The following PRKN variants were observed in gnomAD, a reference collection of about 807,000 sequenced individuals.
PRKN encodes the protein parkin RBR E3 ubiquitin protein ligase.
A neutral mutation model predicts 59.5 loss-of-function variants in PRKN; 56 were observed. The observed-to-expected ratio is 0.94, with a 90% CI of 0.76 to 1.18. The LOEUF is 1.18. Ranked by LOEUF, PRKN falls within the 50% of genes most tolerant of loss-of-function variation. PRKN has a pLI of 0.00. For synonymous variants in PRKN, 250 were observed against 222.1 expected, an observed-to-expected ratio of 1.13 and a Z score of -1.12; for missense variants, 657 against 596.4, an observed-to-expected ratio of 1.10 and a Z score of -1.06.
intron 1 of PRKN, among the ~76,000 whole-genome samples, chr6:162,540,016 A>G (rs1010678041): frequency 2.6e-5 from 4 of 151,794 alleles, no homozygotes; most frequent in Non-Finnish European, 5.9e-5. Flanking sequence ...TCCAGGTTCA[A>G]GTGGTTCTCC....
At chr6:162,405,267 TCTTA>T (rs1242233167) in intron 2 of PRKN, among the ~76,000 whole-genome samples, 21 of 152,150 alleles carry the variant, frequency 1.4e-4, no homozygotes, top group African/African-American at 5.1e-4. Context: ...TAATGGCAGA[TCTTA>T]CAAAAGAGAA....
chr6:162,316,097 A>G (rs1782742391), intron 2 of PRKN, among the ~76,000 whole-genome samples: 2 of 152,048 alleles, frequency 1.3e-5, no homozygotes, highest in South Asian at 4.1e-4. Context: ...AAGTATTCCA[A>G]GGCTGGACAG....
chr6:161,650,930 AT>A (rs1784129000), intron 7 of PRKN, among the ~76,000 whole-genome samples: 1 of 152,140 alleles, frequency 6.6e-6, no homozygotes, highest in Non-Finnish European at 1.5e-5. Context: ...GGTGTGCTAC[AT>A]TTTGCATTTA....
At chr6:162,325,681 C>A (rs768042930) in intron 2 of PRKN, among the ~76,000 whole-genome samples, 2 of 152,162 alleles carry the variant, frequency 1.3e-5, no homozygotes, top group Non-Finnish European at 2.9e-5. Context: ...ACACAACATA[C>A]ATGTTAGTAG....
In PRKN at chr6:161,581,066, A is replaced by ACACG. The variant is rs895277924; in HGVS notation, c.872-11651_872-11650insCGTG. ...AACACACACACACACACACACACAC[A>ACACG]CACACACACAAAATAGCCAGGCGTG... On this transcript the variant is annotated intron_variant, in intron 7 of 11. Coordinates refer to ENST00000366898, the MANE Select transcript of PRKN (RefSeq NM_004562.3). The surrounding 1 kb of genome is among the most constrained non-coding windows in gnomAD (Gnocchi z 4.5). Among the ~76,000 whole-genome samples, 10 of 151,710 alleles carry ACACG rather than the reference A, an allele frequency of 6.6e-5. No individual in the cohort carries two copies. Among genetic ancestry groups the ACACG allele is most frequent in the African/African-American group, 2.4e-4 (10 of 41,288 alleles).
chr6:161,464,377 G>A (rs1011192688), intron 9 of PRKN, among the ~76,000 whole-genome samples: 1 of 152,162 alleles, frequency 6.6e-6, no homozygotes, highest in African/African-American at 2.4e-5. Flanking sequence ...TCCTATGGAA[G>A]TCACATTTCA....
intron 7 of PRKN, among the ~76,000 whole-genome samples, chr6:161,694,886 G>A (rs149831725): frequency 0.01 from 1,527 of 152,242 alleles, 15 homozygotes; most frequent in Middle Eastern, 0.051. Context: ...TAGAAGTCCC[G>A]AACTGTGGCT....
chr6:161,590,981 TA>T (rs1179792053), intron 7 of PRKN, among the ~76,000 whole-genome samples: 1 of 152,202 alleles, frequency 6.6e-6, no homozygotes, highest in Non-Finnish European at 1.5e-5. Flanking sequence ...GAAATTTAAA[TA>T]AGGTTTGTGT....
intron 1 of PRKN, among the ~76,000 whole-genome samples, chr6:162,540,114 C>T (rs1778869612): frequency 6.6e-6 from 1 of 152,134 alleles, no homozygotes; most frequent in Non-Finnish European, 1.5e-5. Flanking sequence ...CGGGGTTTCA[C>T]CAGGTTGGCC....
intron 5 of PRKN, among the ~76,000 whole-genome samples, chr6:161,994,028 T>A (rs188486290): frequency 6.6e-6 from 1 of 152,230 alleles, no homozygotes; most frequent in Non-Finnish European, 1.5e-5. Context: ...ACCTCTAACA[T>A]TGGTGATGAA....
intron 3 of PRKN, among the ~76,000 whole-genome samples, chr6:162,224,141 T>C (rs1194885327): frequency 1.3e-5 from 2 of 151,988 alleles, no homozygotes; most frequent in Admixed American, 6.6e-5. Flanking sequence ...CTTAGTAGGG[T>C]TTAAGCTAAG....
At chr6:162,647,042 C>T (rs1778211456) in intron 1 of PRKN, among the ~76,000 whole-genome samples, 1 of 152,088 alleles carries the variant, frequency 6.6e-6, no homozygotes, top group Non-Finnish European at 1.5e-5. Flanking sequence ...AACTAGGAAG[C>T]TGAAACCATA....
intron 1 of PRKN, among the ~76,000 whole-genome samples, chr6:162,453,688 A>G (rs1583598423): frequency 6.6e-6 from 1 of 152,296 alleles, no homozygotes; most frequent in South Asian, 2.1e-4. Flanking sequence ...AGATCACCTG[A>G]GGTCAGGAGT....
At chr6:161,784,226 C>G (rs1790323131) in intron 7 of PRKN, among the ~76,000 whole-genome samples, 1 of 152,156 alleles carries the variant, frequency 6.6e-6, no homozygotes, top group Admixed American at 6.5e-5. Context: ...ATCATGATCT[C>G]AGATATGGCA....
Position 162,467,874 on chromosome 6 carries a change from C to A in PRKN, c.8-24401G>T, listed in dbSNP as rs1039881986. Among the ~76,000 whole-genome samples the A allele has an allele frequency of 2.0e-5, 3 of 152,198 alleles. No homozygotes were observed. In the South Asian group the frequency reaches 6.2e-4, roughly 32 times the overall value. ...GTGTCTGGAAGAAGCCAACCCCTTG[C>A]TGGATTTTACACCTTGGTACTTGTT... On this transcript the variant is annotated intron_variant, in intron 1 of 11. Coordinates refer to ENST00000366898, the MANE Select transcript of PRKN (RefSeq NM_004562.3).
intron 4 of PRKN, among the ~76,000 whole-genome samples, chr6:162,090,887 G>A (rs572457410): frequency 1.3e-5 from 2 of 152,222 alleles, no homozygotes; most frequent in African/African-American, 2.4e-5. Context: ...AGAGACAGAC[G>A]CCACAGTCTG....
intron 10 of PRKN, among the ~76,000 whole-genome samples, chr6:161,367,092 G>A (rs1331245161): frequency 7.1e-6 from 1 of 141,714 alleles, no homozygotes; most frequent in Non-Finnish European, 1.5e-5. Context: ...CCGGGTTCAC[G>A]CCATTCTCCT....
intron 7 of PRKN, among the ~76,000 whole-genome samples, chr6:161,721,303 A>C (rs75194920): frequency 1.3e-5 from 2 of 152,324 alleles, no homozygotes; most frequent in African/African-American, 4.8e-5. Context: ...TAGAGAGAAC[A>C]TTTGAGCATT....
chr6:161,908,702 C>A (rs1442867944), intron 6 of PRKN, among the ~76,000 whole-genome samples: 2 of 150,946 alleles, frequency 1.3e-5, no homozygotes, highest in Non-Finnish European at 2.9e-5. Context: ...TTTGGACAGA[C>A]AAAATTTAGC....
Sources: gnomAD v4.1 joint callset for allele counts (sites outside exome capture counted in the v4.1 genomes callset) on GRCh38, gnomAD v4.1.1 for gene constraint, Gnocchi (gnomAD v3.1) non-coding constraint, MANE v1.5 for transcripts, NCBI Gene and HGNC (gene_info 2026-07-23, HGNC 2026-07-21) for gene names.